VWA3B: variants seen among roughly 807,000 people sequenced by gnomAD.
VWA3B encodes von Willebrand factor A domain-containing protein 3B.
In VWA3B, 138 loss-of-function variants were observed where a neutral mutation model predicts 158.3. The observed-to-expected ratio is 0.87, with a 90% CI of 0.76 to 1.00. VWA3B has a LOEUF of 1.00. VWA3B is among the 50% of genes least tolerant of loss of function. VWA3B has a pLI of 0.00. For synonymous variants in VWA3B, 596 were observed against 587.3 expected (o/e 1.01, Z -0.21); for missense variants, 1,555 against 1,565.1 (o/e 0.99, Z 0.11).
chr2:98,108,682 T>C (rs1474541753), intron 2 of VWA3B, among the ~76,000 whole-genome samples: 2 of 152,126 alleles, frequency 1.3e-5, no homozygotes, highest in South Asian at 2.1e-4. Context: ...TTTTTAAATA[T>C]TTGCATGGCC....
At chr2:98,138,621 C>A (rs1007665749) in intron 7 of VWA3B, among the ~76,000 whole-genome samples, 13 of 152,204 alleles carry the variant, frequency 8.5e-5, no homozygotes, top group Non-Finnish European at 1.6e-4. Context: ...TCTGCACCTC[C>A]TGAAGCAAAT....
At position 98,119,618 on chromosome 2, in the gene VWA3B, AT is replaced by A. The variant is rs760861297; in HGVS notation, c.402del (p.Phe134LeufsTer11). On this transcript the variant is annotated frameshift_variant, in exon 4 of 28. Coordinates refer to ENST00000477737, the MANE Select transcript of VWA3B (RefSeq NM_144992.5). LOFTEE classifies it high-confidence loss of function. The stretch of plus-strand genomic sequence containing the variant: ...CTGGCTCACCAGCAAGAGCCGGCAG[AT>A]TTTTGGTGTCATCTTGGAACAGTGC... ...MDWLTSKSRQIFGVILEQCVT... is the reference protein window; with the variant it reads ...MDWLTSKSRQXFGVILEQCVT... 36 of 1,613,958 alleles carry A rather than the reference AT, an allele frequency of 2.2e-5. 2 individuals are homozygous for A. In the South Asian group the frequency reaches 3.8e-4, roughly 17 times the overall value.
chr2:98,222,177 A>T (rs370050850), intron 14 of VWA3B, among the ~76,000 whole-genome samples: 1 of 152,136 alleles, frequency 6.6e-6, no homozygotes, highest in Admixed American at 6.5e-5. Context: ...TAGGTGGGCT[A>T]CTCATACCCT....
At chr2:98,289,204 GAT>G (rs562634334) in intron 22 of VWA3B, among the ~76,000 whole-genome samples, 8 of 152,038 alleles carry the variant, frequency 5.3e-5, no homozygotes, top group African/African-American at 1.9e-4. Flanking sequence ...GCATATGTTA[GAT>G]ATATATATGC....
chr2:98,175,354 A>G, intron 8 of VWA3B, among the ~76,000 whole-genome samples: 1 of 152,248 alleles, frequency 6.6e-6, no homozygotes, highest in Non-Finnish European at 1.5e-5. Context: ...AGAGATATCA[A>G]TAATGAGAGA....
At chr2:98,188,767 A>G (rs1184938322) in intron 10 of VWA3B, among the ~76,000 whole-genome samples, 1 of 152,188 alleles carries the variant, frequency 6.6e-6, no homozygotes, top group Non-Finnish European at 1.5e-5. Flanking sequence ...TGTTAAGTCA[A>G]GGTTGCCATC....
At chr2:98,298,443 T>TATTCTATTCTATGCCATGCC (rs1409392020) in intron 24 of VWA3B, among the ~76,000 whole-genome samples, 5 of 121,626 alleles carry the variant, frequency 4.1e-5, no homozygotes, top group African/African-American at 1.5e-4. Context: ...TATTCTATTC[T>TATTCTATTCTATGCCATGCC]ATGCCATGCC....
Position 98,290,551 on chromosome 2 carries a change from C to G in VWA3B, c.3086C>G (p.Ser1029Ter), listed in dbSNP as rs372776502. The stretch of plus-strand genomic sequence containing the variant: ...GGAAATCCAACAAAGAAAACCAAAT[C>G]AAAAAGACCAGATCCCCTCAAAGGA... The part of the protein sequence containing the change: ...LQGNPTKKTK[S>*]KRPDPLKGQK... The change falls in exon 23 of 28, where the codon TCA (serine) becomes TGA (stop). Residue 1029 changes from serine to a stop codon, truncating the protein, a stop_gained. Coordinates refer to ENST00000477737, the MANE Select transcript of VWA3B (RefSeq NM_144992.5). LOFTEE classifies it high-confidence loss of function. 1 of 1,583,006 alleles carries G rather than the reference C, an allele frequency of 6.3e-7. No homozygotes were observed. Among genetic ancestry groups the G allele is most frequent in the African/African-American group, 1.4e-5 (1 of 72,354 alleles).
intron 2 of VWA3B, among the ~76,000 whole-genome samples, chr2:98,111,979 T>C (rs186378777): frequency 1.3e-5 from 2 of 152,338 alleles, no homozygotes; most frequent in Non-Finnish European, 2.9e-5. Context: ...GACTTAGTTA[T>C]AAATTATTTG....
chr2:98,153,463 A>C (rs1677802864), intron 7 of VWA3B, among the ~76,000 whole-genome samples: 1 of 152,186 alleles, frequency 6.6e-6, no homozygotes, highest in Non-Finnish European at 1.5e-5. Context: ...ACTAAGACTA[A>C]ATATTATGAA....
chr2:98,138,370 C>T (rs890501801), intron 7 of VWA3B, among the ~76,000 whole-genome samples: 6 of 152,214 alleles, frequency 3.9e-5, no homozygotes, highest in Admixed American at 1.3e-4. Flanking sequence ...GGTCCAGAAA[C>T]CAGAGCAGGC....
At chr2:98,330,347 G>A in the VWA3B span, among the ~76,000 whole-genome samples, 1 of 152,118 alleles carries the variant, frequency 6.6e-6, no homozygotes, top group African/African-American at 2.4e-5. Flanking sequence ...TCTAGGAAGT[G>A]GATTGAATAA....
intron 9 of VWA3B, among the ~76,000 whole-genome samples, chr2:98,185,062 C>T (rs1680899540): frequency 6.6e-6 from 1 of 152,216 alleles, no homozygotes; most frequent in South Asian, 2.1e-4. Flanking sequence ...GTGACTTCCT[C>T]CCCAACTCCA....
intron 26 of VWA3B, among the ~76,000 whole-genome samples, chr2:98,310,172 G>A (rs1690801243): frequency 6.6e-6 from 1 of 152,126 alleles, no homozygotes; most frequent in Admixed American, 6.5e-5. Context: ...CTACTCCATG[G>A]GTCCTCTTGT....
rs1553427609 is a variant in VWA3B at position 98,248,867 on chromosome 2, C to CTTTCTTTCT, written c.2674-1448_2674-1440dup. On this transcript the variant is annotated intron_variant, in intron 19 of 27. Coordinates refer to ENST00000477737, the MANE Select transcript of VWA3B (RefSeq NM_144992.5). Reference sequence around the variant, plus strand: ...TCTTTCTTTCTTTCTTTCTTTCTTTCTTTCTTTCTTTCTTTCTCTCTTTCC... The same window carrying CTTTCTTTCT: ...TCTTTCTTTCTTTCTTTCTTTCTTTCTTTCTTTCTTTTCTTTCTTTCTTTCTCTCTTTCC... Among the ~76,000 whole-genome samples the CTTTCTTTCT allele has an allele frequency of 9.2e-3, 692 of 75,092 alleles. 16 individuals carry two copies. The highest frequency in any genetic ancestry group is 0.037 in the African/African-American group (659 of 18,004). 49.3% of individuals were successfully genotyped at this position (75,092 alleles called of 152,430 possible). A position where few individuals can be genotyped will look rare whatever the true frequency, so the allele number is the denominator to read the frequency against.
At chr2:98,302,758 G>T (rs887742325) in intron 25 of VWA3B, among the ~76,000 whole-genome samples, 1 of 152,198 alleles carries the variant, frequency 6.6e-6, no homozygotes, top group Non-Finnish European at 1.5e-5. Flanking sequence ...AAACTACCAT[G>T]CCCGGCTGCC....
At chr2:98,271,227 C>T (rs923353956) in intron 22 of VWA3B, among the ~76,000 whole-genome samples, 1 of 152,134 alleles carries the variant, frequency 6.6e-6, no homozygotes, top group African/African-American at 2.4e-5. Flanking sequence ...GTTACTCAGT[C>T]TCTTTAAACC....
In VWA3B at chr2:98,270,664, T is replaced by C; in HGVS notation, c.2844-18T>C. On this transcript the variant is annotated intron_variant, in intron 21 of 27. Transcript: ENST00000477737. The stretch of plus-strand genomic sequence containing the variant: ...TTGTTTCTTCCTCTGTTTGTTTGTT[T>C]GTTTCTTTGTTTTTTAGGTTAGATG... 6.2e-7 allele frequency: 1 copy of C among 1,603,864 alleles called. No homozygotes were observed. Among genetic ancestry groups the C allele is most frequent in the East Asian group, 2.2e-5 (1 of 44,782 alleles).
chr2:98,214,532 T>A (rs1683812237), intron 13 of VWA3B, among the ~76,000 whole-genome samples: 2 of 152,180 alleles, frequency 1.3e-5, no homozygotes, highest in Non-Finnish European at 2.9e-5. Flanking sequence ...ATGGAACTAG[T>A]TTTTTTGTAT....
Sources: allele counts gnomAD v4.1 joint callset (sites outside exome capture counted in the v4.1 genomes callset), GRCh38; gene constraint gnomAD v4.1.1; transcripts MANE v1.5; gene names NCBI Gene and HGNC (gene_info 2026-07-23, HGNC 2026-07-21).